The following VCL variants were observed in gnomAD, a reference collection of about 807,000 sequenced individuals.
The protein encoded by VCL is vinculin.
VCL carries 47 observed loss-of-function variants against 125.7 expected under a neutral mutation model. That is an observed-to-expected ratio of 0.37 (90% confidence interval 0.30 to 0.48). The LOEUF is 0.48. Among genes scored for constraint, VCL ranks in the 20% least tolerant of loss-of-function variants. The probability of loss-of-function intolerance (pLI) is 0.99; values close to 1 mark genes in which losing one functional copy is unlikely to be tolerated. For synonymous variants in VCL, 458 were observed against 514.6 expected (o/e 0.89, Z 1.49); for missense variants, 1,069 against 1,455.5 (o/e 0.73, Z 4.32).
intron 8 of VCL, among the ~76,000 whole-genome samples, chr10:74,084,153 C>T (rs985405202): frequency 6.6e-6 from 1 of 152,194 alleles, no homozygotes; most frequent in Non-Finnish European, 1.5e-5. Context: ...GAGTGAGCCA[C>T]TGTGCCCGGC....
At chr10:74,100,834 C>T (rs1169556653) in intron 13 of VCL, 114 bp from the exon 14 acceptor site, 1 of 1,261,990 alleles carries the variant, frequency 7.9e-7, no homozygotes, top group Non-Finnish European at 1.1e-6. Context: ...GGTTTGATGT[C>T]ATCTCTAAAG....
intron 1 of VCL, among the ~76,000 whole-genome samples, chr10:74,030,326 G>A (rs922814404): frequency 2.6e-4 from 40 of 152,172 alleles, no homozygotes; most frequent in Admixed American, 1.3e-4. Context: ...TCTTTTTAAT[G>A]TGAAATTTCT....
chr10:74,043,263 C>A, intron 2 of VCL, 110 bp downstream of exon 2: 2 of 994,354 alleles, frequency 2.0e-6, no homozygotes, highest in Non-Finnish European at 3.0e-6. Flanking sequence ...CTTTTGTTTA[C>A]AATTGAAATT....
intron 2 of VCL, among the ~76,000 whole-genome samples, chr10:74,052,525 C>T (rs1481742408): frequency 6.6e-6 from 1 of 151,838 alleles, no homozygotes; most frequent in Non-Finnish European, 1.5e-5. Context: ...TACAGGTGTG[C>T]ACCACTACTC....
At chr10:74,036,655 G>T (rs1418195459) in intron 1 of VCL, among the ~76,000 whole-genome samples, 1 of 151,548 alleles carries the variant, frequency 6.6e-6, no homozygotes, top group Non-Finnish European at 1.5e-5. Context: ...AGGATTCCTT[G>T]ACCCCAGCAG....
intron 2 of VCL, among the ~76,000 whole-genome samples, chr10:74,065,729 A>G (rs955476718): frequency 2.0e-5 from 3 of 151,958 alleles, no homozygotes; most frequent in African/African-American, 4.8e-5. Flanking sequence ...ACAATAGTTT[A>G]TCGTTTCACA....
intron 17 of VCL, among the ~76,000 whole-genome samples, chr10:74,108,465 A>C (rs1840171399): frequency 6.7e-6 from 1 of 150,354 alleles, no homozygotes; most frequent in Non-Finnish European, 1.5e-5. Context: ...CAGTAGCTGC[A>C]AGCCTTTTTT....
At chr10:74,061,350 T>C (rs1841475620) in intron 2 of VCL, among the ~76,000 whole-genome samples, 1 of 152,208 alleles carries the variant, frequency 6.6e-6, no homozygotes. Flanking sequence ...AGTCTCTGTT[T>C]TGGACCTATC....
intron 1 of VCL, among the ~76,000 whole-genome samples, chr10:74,004,374 C>T (rs1018209615): frequency 6.6e-6 from 1 of 152,080 alleles, no homozygotes; most frequent in African/African-American, 2.4e-5. Flanking sequence ...TACTGTAGTT[C>T]AGATAAATTA....
chr10:74,076,145 C>T (rs41280412), intron 6 of VCL: 6,746 of 152,464 alleles, frequency 0.044, 231 homozygotes, highest in Middle Eastern at 0.078. Flanking sequence ...GTTTCTTTTT[C>T]GCTTAAAAAG....
At chr10:74,105,561 A>G (rs1840118647) in intron 16 of VCL, among the ~76,000 whole-genome samples, 1 of 151,668 alleles carries the variant, frequency 6.6e-6, no homozygotes, top group African/African-American at 2.4e-5. Flanking sequence ...TTCTGGACCA[A>G]CTTCTCTGTG....
chr10:74,072,902 T>C, intron 5 of VCL, 50 bp downstream of exon 5: 1 of 1,613,094 alleles, frequency 6.2e-7, no homozygotes, highest in Non-Finnish European at 8.5e-7. Flanking sequence ...TGTTAGCATG[T>C]TCTAAACTCT....
Position 74,108,899 on chromosome 10 carries a change from T to G in VCL, c.2560-72T>G, listed in dbSNP as rs1272686708. The G allele has an allele frequency of 3.8e-6, 6 of 1,591,454 alleles. No homozygotes were observed. In the African/African-American group the frequency reaches 8.1e-5, roughly 21 times the overall value. On this transcript the variant is annotated intron_variant, in intron 17 of 21. Transcript: ENST00000211998. ...GGGTGGGTTTTCTAGGGATGCTTTTTAGAAGAAAGGAAAGAATTCCAGGGG... is the reference window on the plus strand; with the variant it reads ...GGGTGGGTTTTCTAGGGATGCTTTTGAGAAGAAAGGAAAGAATTCCAGGGG...
At chr10:74,047,318 A>G (rs1206527083) in intron 2 of VCL, among the ~76,000 whole-genome samples, 1 of 152,090 alleles carries the variant, frequency 6.6e-6, no homozygotes, top group Non-Finnish European at 1.5e-5. Context: ...AATAAAACAA[A>G]CCGTGATGGA....
intron 1 of VCL, among the ~76,000 whole-genome samples, chr10:74,031,371 T>C (rs1412172275): frequency 9.9e-5 from 15 of 152,186 alleles, no homozygotes; most frequent in Admixed American, 9.2e-4. Context: ...TCCTGCCTCT[T>C]GTCCTGTAGC....
intron 1 of VCL, among the ~76,000 whole-genome samples, chr10:74,021,617 G>C (rs1480003071): frequency 6.6e-6 from 1 of 152,168 alleles, no homozygotes; most frequent in Non-Finnish European, 1.5e-5. Context: ...CATTTCAACT[G>C]ACATATACCA....
intron 2 of VCL, among the ~76,000 whole-genome samples, chr10:74,064,892 T>TGATA (rs1841542056): frequency 6.6e-6 from 1 of 152,224 alleles, no homozygotes; most frequent in Non-Finnish European, 1.5e-5. Flanking sequence ...CTCATTTGAA[T>TGATA]GATAAATCAA....
At chr10:74,075,807 A>G (rs952433274) in intron 6 of VCL, 1 of 152,636 alleles carries the variant, frequency 6.6e-6, no homozygotes, top group Non-Finnish European at 1.5e-5. Flanking sequence ...TCTGTAAGGT[A>G]ATGTAAAAGC....
At chr10:74,094,573 G>T in intron 11 of VCL, 112 bp downstream of exon 11, 2 of 1,277,024 alleles carry the variant, frequency 1.6e-6, no homozygotes, top group South Asian at 2.6e-5. Context: ...TTTAGCTGCT[G>T]ATAAGTAACT....
Sources: gnomAD v4.1 joint callset for allele counts (sites outside exome capture counted in the v4.1 genomes callset) on GRCh38, gnomAD v4.1.1 for gene constraint, MANE v1.5 for transcripts, NCBI Gene and HGNC (gene_info 2026-07-23, HGNC 2026-07-21) for gene names.